The following ANO10 variants were observed in gnomAD, a reference collection of about 807,000 sequenced individuals.
ANO10 encodes anoctamin 10.
In ANO10, 77 loss-of-function variants were observed where a neutral mutation model predicts 74.7. The observed-to-expected ratio is 1.03, with a 90% CI of 0.86 to 1.25. The LOEUF is 1.25. Ranked by LOEUF, ANO10 falls within the 50% of genes most tolerant of loss-of-function variation. The probability of loss-of-function intolerance (pLI) is 0.00; values close to 1 mark genes in which losing one functional copy is unlikely to be tolerated. For synonymous variants in ANO10, 279 were observed against 284.9 expected (o/e 0.98, Z 0.21); for missense variants, 721 against 778.1 (o/e 0.93, Z 0.87).
intron 9 of ANO10, among the ~76,000 whole-genome samples, chr3:43,559,083 T>C (rs1239501755): frequency 6.6e-6 from 1 of 152,208 alleles, no homozygotes; most frequent in Non-Finnish European, 1.5e-5. Flanking sequence ...AGTCACCAAA[T>C]AATTAATGAC....
intron 11 of ANO10, among the ~76,000 whole-genome samples, chr3:43,529,286 A>G (rs1184758930): frequency 6.6e-6 from 1 of 152,186 alleles, no homozygotes; most frequent in Admixed American, 6.5e-5. Flanking sequence ...AAATCCAGCC[A>G]AGCTGTCCTT....
At chr3:43,599,988 CA>C (rs1010530934) in intron 3 of ANO10, among the ~76,000 whole-genome samples, 1 of 150,998 alleles carries the variant, frequency 6.6e-6, no homozygotes, top group Non-Finnish European at 1.5e-5. Flanking sequence ...ATTCTGCTTT[CA>C]AAAAAAAGGA....
At chr3:43,517,581 C>A (rs1178208669) in intron 11 of ANO10, among the ~76,000 whole-genome samples, 2 of 152,082 alleles carry the variant, frequency 1.3e-5, no homozygotes, top group Non-Finnish European at 2.9e-5. Flanking sequence ...TGAGTACACA[C>A]AAAGAATTGG....
chr3:43,508,705 A>G (rs988534404), intron 11 of ANO10, among the ~76,000 whole-genome samples: 2 of 152,008 alleles, frequency 1.3e-5, no homozygotes, highest in African/African-American at 4.8e-5. Context: ...CAAAAAACCA[A>G]ACACCGCATG....
chr3:43,395,476 A>G (rs6800983), intron 12 of ANO10, among the ~76,000 whole-genome samples: 140,112 of 152,246 alleles, frequency 0.92, 64,723 homozygotes, highest in Non-Finnish European at 0.96. Context: ...GGTATGATGT[A>G]TGGGTCCATG....
At chr3:43,417,885 T>C (rs184644615) in intron 12 of ANO10, among the ~76,000 whole-genome samples, 1 of 152,338 alleles carries the variant, frequency 6.6e-6, no homozygotes, top group East Asian at 1.9e-4. Flanking sequence ...GCTTATAGTC[T>C]ATGGTCTAAA....
intron 1 of ANO10, among the ~76,000 whole-genome samples, chr3:43,615,248 A>T (rs755077867): frequency 1.2e-4 from 18 of 152,168 alleles, no homozygotes; most frequent in Non-Finnish European, 2.6e-4. Flanking sequence ...TAGGTGAAAG[A>T]GATTAAATAG....
intron 12 of ANO10, among the ~76,000 whole-genome samples, chr3:43,420,154 G>A (rs965061995): frequency 6.6e-6 from 1 of 152,152 alleles, no homozygotes; most frequent in Non-Finnish European, 1.5e-5. Flanking sequence ...TGGAAATCAA[G>A]TAAAAAATAT....
intron 12 of ANO10, among the ~76,000 whole-genome samples, chr3:43,386,704 C>G (rs181501385): frequency 6.7e-6 from 1 of 149,480 alleles, no homozygotes; most frequent in African/African-American, 2.5e-5. Flanking sequence ...AATCAGCTAC[C>G]TCTGGGAAGG....
At position 43,491,017 on chromosome 3, in the gene ANO10, A is replaced by G. The variant is rs1038171190; in HGVS notation, c.1798-58290T>C. Among the ~76,000 whole-genome samples, 6 of 152,120 alleles carry G rather than the reference A, an allele frequency of 3.9e-5. No homozygotes were observed. In the South Asian group the frequency reaches 8.3e-4, roughly 21 times the overall value. The stretch of plus-strand genomic sequence containing the variant: ...CATGCATATTAAGAGGCAGAATGGC[A>G]GGGGGGCGGGGTTTAAATGGCATAT... On this transcript the variant is annotated intron_variant, in intron 11 of 12. Transcript: ENST00000292246.
intron 11 of ANO10, among the ~76,000 whole-genome samples, chr3:43,457,844 G>A (rs978424793): frequency 6.6e-6 from 1 of 152,174 alleles, no homozygotes; most frequent in Non-Finnish European, 1.5e-5. Flanking sequence ...CACTTGAAAT[G>A]CTCAGTGCAA....
intron 12 of ANO10, among the ~76,000 whole-genome samples, chr3:43,382,379 C>T (rs565466188): frequency 0.017 from 2,632 of 151,860 alleles, 189 homozygotes; most frequent in Admixed American, 0.13. Context: ...ATTAGCCGGG[C>T]GTGGTAGCGG....
At chr3:43,662,839 C>G (rs1039808718) in intron 1 of ANO10, among the ~76,000 whole-genome samples, 4 of 152,014 alleles carry the variant, frequency 2.6e-5, no homozygotes, top group African/African-American at 4.8e-5. Context: ...AAGACTAAAC[C>G]AGGAAGAAGT....
At chr3:43,629,988 C>G (rs931615606) in intron 1 of ANO10, among the ~76,000 whole-genome samples, 15 of 152,114 alleles carry the variant, frequency 9.9e-5, no homozygotes, top group Admixed American at 4.6e-4. Flanking sequence ...GACAGAGCCT[C>G]AATCATTAAC....
chr3:43,458,688 C>T (rs1321271115), intron 11 of ANO10, among the ~76,000 whole-genome samples: 1 of 152,104 alleles, frequency 6.6e-6, no homozygotes, highest in Admixed American at 6.6e-5. Context: ...ATGTGCTGAA[C>T]GTGCAGGTTT....
intron 12 of ANO10, among the ~76,000 whole-genome samples, chr3:43,384,643 G>A (rs2092065306): frequency 1.3e-5 from 2 of 152,102 alleles, no homozygotes; most frequent in African/African-American, 2.4e-5. Context: ...ACTGATTTTC[G>A]ACAAAGCAAA....
intron 7 of ANO10, among the ~76,000 whole-genome samples, chr3:43,570,540 A>G (rs2080647094): frequency 6.6e-6 from 1 of 152,184 alleles, no homozygotes; most frequent in Non-Finnish European, 1.5e-5. Flanking sequence ...CATATCTACA[A>G]CTATCTGATC....
intron 1 of ANO10, among the ~76,000 whole-genome samples, chr3:43,668,431 T>G (rs1320504977): frequency 6.6e-6 from 1 of 152,196 alleles, no homozygotes; most frequent in Non-Finnish European, 1.5e-5. Context: ...TTAGTCTAAT[T>G]AGGTTCCATT....
At chr3:43,502,304 T>C (rs2077127874) in intron 11 of ANO10, among the ~76,000 whole-genome samples, 1 of 152,216 alleles carries the variant, frequency 6.6e-6, no homozygotes, top group Non-Finnish European at 1.5e-5. Context: ...ATATTGGAGA[T>C]GGTGCCTAGT....
Sources: allele counts gnomAD v4.1 joint callset (sites outside exome capture counted in the v4.1 genomes callset), GRCh38; gene constraint gnomAD v4.1.1; transcripts MANE v1.5; gene names NCBI Gene and HGNC (gene_info 2026-07-23, HGNC 2026-07-21).